FOXO3: variants seen among roughly 807,000 people sequenced by gnomAD.
FOXO3 encodes forkhead box O3.
In FOXO3, 4 loss-of-function variants were observed where a neutral mutation model predicts 41.9. The ratio of observed to expected loss-of-function variants is 0.10; its 90% CI spans 0.05 to 0.22. FOXO3 has a LOEUF of 0.22. FOXO3 is among the 10% of genes least tolerant of loss of function. The pLI is 1.00. For synonymous variants in FOXO3, 318 were observed against 389.3 expected (o/e 0.82, Z 2.16); for missense variants, 534 against 906.8 (o/e 0.59, Z 5.28).
Position 108,561,181 on chromosome 6 carries a change from C to T in FOXO3, c.-28C>T. On this transcript the variant is annotated 5_prime_UTR_variant, in exon 1 of 3. Coordinates refer to ENST00000406360, the MANE Select transcript of FOXO3 (RefSeq NM_001455.4). ...CGGCGCGAGAGGAGAGCGCGAGAGC[C>T]CCAGCCGCGGGCGGGCGGGCGGCGA... 1 of 1,526,244 alleles carries T rather than the reference C, an allele frequency of 6.6e-7. No homozygotes were observed. The highest frequency in any genetic ancestry group is 8.8e-7 in the Non-Finnish European group (1 of 1,139,178). 94.5% of individuals were successfully genotyped at this position (1,526,244 alleles called of 1,614,324 possible). A position where few individuals can be genotyped will look rare whatever the true frequency, so the allele number is the denominator to read the frequency against.
chr6:108,658,124 A>G (rs1778742607), intron 1 of FOXO3, among the ~76,000 whole-genome samples: 1 of 152,206 alleles, frequency 6.6e-6, no homozygotes, highest in Non-Finnish European at 1.5e-5. Context: ...TATAATCAGA[A>G]TCATGACCTG....
At chr6:108,674,395 A>C (rs924208835) in intron 2 of FOXO3, among the ~76,000 whole-genome samples, 2 of 152,142 alleles carry the variant, frequency 1.3e-5, no homozygotes, top group Non-Finnish European at 2.9e-5. Flanking sequence ...TGTTTCTTTC[A>C]CTGGAATATG....
At chr6:108,660,923 G>A (rs1287561195) in intron 1 of FOXO3, among the ~76,000 whole-genome samples, 1 of 152,168 alleles carries the variant, frequency 6.6e-6, no homozygotes, top group Non-Finnish European at 1.5e-5. Context: ...AGCTGGGCAT[G>A]GTGGCGGGTG....
intron 1 of FOXO3, among the ~76,000 whole-genome samples, chr6:108,625,840 A>G (rs1432217964): frequency 6.6e-6 from 1 of 152,202 alleles, no homozygotes; most frequent in Non-Finnish European, 1.5e-5. Context: ...AAGTGAGATT[A>G]TGTAGTATTA....
chr6:108,622,811 C>T (rs1777705177), intron 1 of FOXO3, among the ~76,000 whole-genome samples: 1 of 151,922 alleles, frequency 6.6e-6, no homozygotes, highest in African/African-American at 2.4e-5. Context: ...GACGTAGATG[C>T]AGTGACTCAT....
intron 1 of FOXO3, among the ~76,000 whole-genome samples, chr6:108,588,862 CA>C (rs2128362320): frequency 6.6e-6 from 1 of 152,306 alleles, no homozygotes; most frequent in Admixed American, 6.5e-5. Context: ...AAAAAACCCA[CA>C]AAACTCCACA....
At position 108,561,310 on chromosome 6, in the gene FOXO3, C is replaced by G; in HGVS notation, c.102C>G (p.Pro34=). The G allele has an allele frequency of 6.4e-7, 1 of 1,563,012 alleles. No individual in the cohort carries two copies. The highest frequency in any genetic ancestry group is 8.6e-7 in the Non-Finnish European group (1 of 1,156,638). The change falls in exon 1 of 3, where the codon CCC becomes CCG. Residue 34 remains proline, a synonymous_variant. Transcript: ENST00000406360. Reference sequence around the variant, plus strand: ...GCCGTCCGCGATCCTGTACGTGGCCCCTGCAAAGGCCGGAGCTCCAAGCGA... The same window carrying G: ...GCCGTCCGCGATCCTGTACGTGGCCGCTGCAAAGGCCGGAGCTCCAAGCGA... The part of the protein sequence containing the change: ...PQSRPRSCTW[P]LQRPELQASP...
chr6:108,678,890 T>TTTTTTTTTTGTC (rs368405598), intron 2 of FOXO3, among the ~76,000 whole-genome samples: 1 of 115,334 alleles, frequency 8.7e-6, no homozygotes, highest in Non-Finnish European at 1.8e-5. Context: ...TTTTTTTTTT[T>TTTTTTTTTTGTC]TGAGACGGAG....
chr6:108,585,208 ATTTTTTGTAT>A (rs1776545740), intron 1 of FOXO3, among the ~76,000 whole-genome samples: 1 of 150,172 alleles, frequency 6.7e-6, no homozygotes, highest in Non-Finnish European at 1.5e-5. Context: ...CGCCCGGCTA[ATTTTTTGTAT>A]TTTTTTAGTA....
intron 1 of FOXO3, among the ~76,000 whole-genome samples, chr6:108,587,401 G>A (rs146192375): frequency 1.3e-5 from 2 of 152,316 alleles, no homozygotes; most frequent in East Asian, 1.9e-4. Context: ...AGGTGGTTTC[G>A]TTGAGGAGCA....
intron 1 of FOXO3, among the ~76,000 whole-genome samples, chr6:108,649,746 A>G (rs1330543732): frequency 6.6e-6 from 1 of 151,856 alleles, no homozygotes; most frequent in Non-Finnish European, 1.5e-5. Context: ...TTCTTCAGAA[A>G]ACTCCTTAGT....
intron 1 of FOXO3, among the ~76,000 whole-genome samples, chr6:108,634,572 C>T (rs1057233333): frequency 6.6e-6 from 1 of 152,224 alleles, no homozygotes; most frequent in East Asian, 1.9e-4. Context: ...TTCCTTCCCC[C>T]TTCTGCCTTG....
At position 108,682,102 on chromosome 6, in the gene FOXO3, A is replaced by T. The variant is rs770135223; in HGVS notation, c.*2310A>T. 1 of 152,582 alleles carries T rather than the reference A, an allele frequency of 6.6e-6. No homozygotes were observed. The highest frequency in any genetic ancestry group is 1.5e-5 in the Non-Finnish European group (1 of 68,032). The allele number at this position is 152,582 out of a possible 1,614,324, so 9.5% of individuals were successfully genotyped here. On this transcript the variant is annotated 3_prime_UTR_variant, in exon 3 of 3. Coordinates refer to ENST00000406360, the MANE Select transcript of FOXO3 (RefSeq NM_001455.4). ...ATGCAAAGTGACTAACAAAATAGCT[A>T]CTTACCTTTGCAGTTTTACAGACCC...
chr6:108,604,115 G>A (rs1217970155), intron 1 of FOXO3, among the ~76,000 whole-genome samples: 1 of 152,146 alleles, frequency 6.6e-6, no homozygotes, highest in Non-Finnish European at 1.5e-5. Flanking sequence ...AGGAAAGGAG[G>A]CAGCATCAGG....
intron 1 of FOXO3, among the ~76,000 whole-genome samples, chr6:108,640,227 T>C (rs1189052935): frequency 6.6e-6 from 1 of 152,134 alleles, no homozygotes; most frequent in African/African-American, 2.4e-5. Context: ...AGGGATGATA[T>C]TGTGTGATAA....
chr6:108,599,193 G>A (rs901309508), intron 1 of FOXO3, among the ~76,000 whole-genome samples: 9 of 152,114 alleles, frequency 5.9e-5, no homozygotes, highest in Non-Finnish European at 1.2e-4. Flanking sequence ...AATTGAAACA[G>A]GGTTGGGTCT....
At chr6:108,645,037 C>G (rs1311639149) in intron 1 of FOXO3, among the ~76,000 whole-genome samples, 1 of 152,166 alleles carries the variant, frequency 6.6e-6, no homozygotes, top group Non-Finnish European at 1.5e-5. Flanking sequence ...ATGACTGAAC[C>G]TGCGGCCTCT....
intron 1 of FOXO3, among the ~76,000 whole-genome samples, chr6:108,642,618 A>G (rs1290485009): frequency 6.6e-6 from 1 of 152,192 alleles, no homozygotes; most frequent in Admixed American, 6.5e-5. Flanking sequence ...TAGAATAAGC[A>G]TGTAATACTT....
intron 1 of FOXO3, among the ~76,000 whole-genome samples, chr6:108,584,705 T>G (rs1776526309): frequency 6.6e-6 from 1 of 152,180 alleles, no homozygotes; most frequent in African/African-American, 2.4e-5. Flanking sequence ...TTTACTAGGA[T>G]GTAGAGCCAA....
Sources: allele counts gnomAD v4.1 joint callset (sites outside exome capture counted in the v4.1 genomes callset), GRCh38; gene constraint gnomAD v4.1.1; transcripts MANE v1.5; gene names NCBI Gene and HGNC (gene_info 2026-07-23, HGNC 2026-07-21).